RIMS2: variants seen among roughly 807,000 people sequenced by gnomAD.
The protein encoded by RIMS2 is regulating synaptic membrane exocytosis protein 2.
Under a neutral mutation model 174.4 loss-of-function variants are expected in RIMS2, and 59 were observed. That is an observed-to-expected ratio of 0.34 (90% CI 0.27 to 0.42). The LOEUF (loss-of-function observed/expected upper bound fraction) is 0.42, where lower values mean the gene tolerates loss of function less well. RIMS2 is among the 10% of genes least tolerant of loss of function. The probability of loss-of-function intolerance (pLI) is 1.00; values close to 1 mark genes in which losing one functional copy is unlikely to be tolerated. For missense variants in RIMS2, 1,620 were observed against 1,666.3 expected (o/e 0.97, Z 0.48); for synonymous variants, 606 against 572.5 (o/e 1.06, Z -0.84).
At chr8:103,605,832 G>A (rs973797047) in intron 1 of RIMS2, among the ~76,000 whole-genome samples, 26 of 151,680 alleles carry the variant, frequency 1.7e-4, no homozygotes, top group Non-Finnish European at 2.4e-4. Flanking sequence ...TATTTCTGTC[G>A]GATTGGTGGT....
intron 4 of RIMS2, among the ~76,000 whole-genome samples, chr8:103,888,312 A>G (rs2099218983): frequency 6.6e-6 from 1 of 151,510 alleles, no homozygotes; most frequent in Non-Finnish European, 1.5e-5. Flanking sequence ...ATACTAAGAA[A>G]AACTTGCTTA....
intron 19 of RIMS2, among the ~76,000 whole-genome samples, chr8:104,039,374 T>C (rs2096571081): frequency 6.6e-6 from 1 of 151,786 alleles, no homozygotes; most frequent in African/African-American, 2.4e-5. Context: ...ACTGGAACTA[T>C]GTGTGCCTCT....
Position 103,839,392 on chromosome 8 carries a change from G to A in RIMS2, c.699-45906G>A, listed in dbSNP as rs2098925929. Reference sequence around the variant, plus strand: ...TTATGTCAGGCAGCTAAATTAAGGAGGATCACCTTGATCTTGTCAAAGTTT... The same window carrying A: ...TTATGTCAGGCAGCTAAATTAAGGAAGATCACCTTGATCTTGTCAAAGTTT... On this transcript the variant is annotated intron_variant, in intron 3 of 23. Transcript: ENST00000504942. Among the ~76,000 whole-genome samples the A allele has an allele frequency of 2.0e-5, 3 of 152,114 alleles. No homozygotes were observed. The South Asian group carries it at 6.2e-4, about 32-fold the overall frequency.
intron 1 of RIMS2, among the ~76,000 whole-genome samples, chr8:103,578,317 G>A (rs1051759133): frequency 3.3e-5 from 5 of 152,126 alleles, no homozygotes; most frequent in Non-Finnish European, 5.9e-5. Flanking sequence ...ATCATTTGAA[G>A]TCAGGAGTTC....
At chr8:103,668,579 T>A (rs2096704682) in intron 1 of RIMS2, among the ~76,000 whole-genome samples, 2 of 152,194 alleles carry the variant, frequency 1.3e-5, no homozygotes, top group South Asian at 4.1e-4. Flanking sequence ...TGTGTGTGTG[T>A]GAGTGTGTGC....
At chr8:104,193,616 C>T (rs1271014695) in intron 19 of RIMS2, among the ~76,000 whole-genome samples, 2 of 152,164 alleles carry the variant, frequency 1.3e-5, no homozygotes, top group Non-Finnish European at 2.9e-5. Context: ...CAAAGATGGG[C>T]ATTACTTCCT....
intron 1 of RIMS2, among the ~76,000 whole-genome samples, chr8:103,639,776 A>G (rs555258538): frequency 1.3e-5 from 2 of 152,080 alleles, no homozygotes; most frequent in East Asian, 3.9e-4. Flanking sequence ...TTGTGTGAAC[A>G]TAAGTTTTCA....
chr8:104,156,326 T>C (rs543874211), intron 19 of RIMS2, among the ~76,000 whole-genome samples: 1 of 152,272 alleles, frequency 6.6e-6, no homozygotes, highest in South Asian at 2.1e-4. Context: ...GAATTGGAAA[T>C]GGTAACATCA....
chr8:103,548,292 G>A (rs1846025167), intron 1 of RIMS2, among the ~76,000 whole-genome samples: 1 of 152,080 alleles, frequency 6.6e-6, no homozygotes, highest in South Asian at 2.1e-4. Flanking sequence ...GAATCTGACA[G>A]CACATCAAAA....
At chr8:104,113,354 A>G (rs939612829) in intron 19 of RIMS2, among the ~76,000 whole-genome samples, 2 of 152,138 alleles carry the variant, frequency 1.3e-5, no homozygotes, top group African/African-American at 2.4e-5. Flanking sequence ...AGAGCCCTCT[A>G]CCTTATGAGG....
At chr8:103,885,542 G>A in exon 4 of RIMS2, 1 of 1,612,454 alleles carries the variant, frequency 6.2e-7, no homozygotes. Context: ...TGAGGATGTG[G>A]AAAGCAGAGA....
At chr8:104,053,664 G>A (rs969339497) in intron 19 of RIMS2, among the ~76,000 whole-genome samples, 4 of 151,808 alleles carry the variant, frequency 2.6e-5, no homozygotes, top group African/African-American at 4.8e-5. Context: ...CACTGTATTC[G>A]GTACTATTTT....
At chr8:103,652,138 C>T (rs538942905) in intron 1 of RIMS2, 67 bp from the exon 2 acceptor site, 27 of 845,380 alleles carry the variant, frequency 3.2e-5, no homozygotes, top group Middle Eastern at 3.2e-4. Context: ...TTTATATGAA[C>T]ACAAATTTGT....
At chr8:103,763,395 C>T (rs1325856426) in intron 2 of RIMS2, among the ~76,000 whole-genome samples, 2 of 150,634 alleles carry the variant, frequency 1.3e-5, no homozygotes, top group African/African-American at 4.9e-5. Flanking sequence ...GATATTGTGC[C>T]GCTGAACTCC....
intron 4 of RIMS2, among the ~76,000 whole-genome samples, chr8:103,888,317 T>G (rs2099219029): frequency 6.6e-6 from 1 of 151,486 alleles, no homozygotes; most frequent in Non-Finnish European, 1.5e-5. Flanking sequence ...AAGAAAAACT[T>G]GCTTATTAAA....
chr8:103,993,489 G>A (rs114910929), intron 17 of RIMS2, among the ~76,000 whole-genome samples: 1,636 of 152,040 alleles, frequency 0.011, 38 homozygotes, highest in African/African-American at 0.037. Context: ...AGTGTAACTC[G>A]TACTCATAAC....
chr8:104,175,196 A>T (rs150547302), intron 19 of RIMS2, among the ~76,000 whole-genome samples: 1 of 152,192 alleles, frequency 6.6e-6, no homozygotes, highest in African/African-American at 2.4e-5. Context: ...GTTTTAGCAT[A>T]AAAACTTTCC....
chr8:104,030,963 ACCCAGACATGCC>A (rs2096379069), intron 19 of RIMS2, among the ~76,000 whole-genome samples: 1 of 152,054 alleles, frequency 6.6e-6, no homozygotes, highest in Admixed American at 6.6e-5. Flanking sequence ...ATATCCCTGT[ACCCAGACATGCC>A]TGGATTATAG....
At chr8:103,591,432 A>G (rs967474296) in intron 1 of RIMS2, among the ~76,000 whole-genome samples, 5 of 151,066 alleles carry the variant, frequency 3.3e-5, no homozygotes, top group African/African-American at 4.8e-5. Flanking sequence ...TGGATTTATC[A>G]CTTTTAAAAT....
Sources: allele counts gnomAD v4.1 joint callset (sites outside exome capture counted in the v4.1 genomes callset), GRCh38; gene constraint gnomAD v4.1.1; transcripts MANE v1.5; gene names NCBI Gene and HGNC (gene_info 2026-07-23, HGNC 2026-07-21).